Variants in CNTNAP2 observed in about 807,000 individuals in gnomAD.
The protein encoded by CNTNAP2 is contactin-associated protein-like 2.
In CNTNAP2, 98 loss-of-function variants were observed where a neutral mutation model predicts 155.2. The ratio of observed to expected loss-of-function variants is 0.63; its 90% CI spans 0.54 to 0.75. The LOEUF is 0.75. Ranked by LOEUF, CNTNAP2 falls within the 30% of genes least tolerant of loss-of-function variation. The pLI, the probability that CNTNAP2 is intolerant of heterozygous loss-of-function variation, is 0.00. For missense variants in CNTNAP2, 1,727 were observed against 1,688.1 expected (o/e 1.02, Z -0.40); for synonymous variants, 651 against 631.2 (o/e 1.03, Z -0.47).
At chr7:146,366,683 C>T (rs563720524) in intron 1 of CNTNAP2, among the ~76,000 whole-genome samples, 1 of 152,156 alleles carries the variant, frequency 6.6e-6, no homozygotes, top group Non-Finnish European at 1.5e-5. Flanking sequence ...GAGATATTGT[C>T]CATCATTTAT....
chr7:146,741,948 A>G (rs1165054822), intron 1 of CNTNAP2, among the ~76,000 whole-genome samples: 5 of 152,236 alleles, frequency 3.3e-5, no homozygotes, highest in Middle Eastern at 3.4e-3. Flanking sequence ...TCCAGGCATG[A>G]AGTGATTAAC....
At chr7:147,020,261 A>G (rs1798796325) in intron 3 of CNTNAP2, among the ~76,000 whole-genome samples, 1 of 152,126 alleles carries the variant, frequency 6.6e-6, no homozygotes, top group Admixed American at 6.5e-5. Context: ...TATTTAATAG[A>G]ATCTATTTTT....
intron 13 of CNTNAP2, among the ~76,000 whole-genome samples, chr7:147,872,435 A>G (rs1799342921): frequency 6.6e-6 from 1 of 152,144 alleles, no homozygotes. Context: ...TTTTATTGTG[A>G]AGCAGAATTA....
At chr7:147,775,415 T>TTATAAATATATATATTTA (rs1797569713) in intron 13 of CNTNAP2, among the ~76,000 whole-genome samples, 2 of 107,518 alleles carry the variant, frequency 1.9e-5, no homozygotes, top group Non-Finnish European at 3.7e-5. Context: ...ATATATATAT[T>TTATAAATATATATATTTA]TATATATATA....
chr7:147,884,873 T>G (rs79362084), intron 13 of CNTNAP2, among the ~76,000 whole-genome samples: 4,992 of 151,872 alleles, frequency 0.033, 131 homozygotes, highest in Non-Finnish European at 0.053. Flanking sequence ...AATGGATGAA[T>G]AATGTGTGAC....
chr7:147,441,673 C>T (rs893269219), intron 10 of CNTNAP2, among the ~76,000 whole-genome samples: 23 of 152,082 alleles, frequency 1.5e-4, no homozygotes, highest in Non-Finnish European at 2.8e-4. Flanking sequence ...TTAGGGAGCA[C>T]CCCAGTAACA....
chr7:147,364,501 C>G (rs1490576742), intron 9 of CNTNAP2, among the ~76,000 whole-genome samples: 1 of 151,984 alleles, frequency 6.6e-6, no homozygotes, highest in African/African-American at 2.4e-5. Flanking sequence ...CATAATAAAT[C>G]ATGAAATTCC....
intron 9 of CNTNAP2, among the ~76,000 whole-genome samples, chr7:147,341,691 GA>G (rs1795765864): frequency 8.3e-6 from 1 of 120,702 alleles, no homozygotes. Flanking sequence ...ATCATCTGAT[GA>G]TTTTTTTTTT....
chr7:147,050,326 A>G (rs1563057938), intron 4 of CNTNAP2, among the ~76,000 whole-genome samples: 1 of 152,208 alleles, frequency 6.6e-6, no homozygotes, highest in Non-Finnish European at 1.5e-5. Context: ...CACTGATTAA[A>G]GTACTGAGCG....
chr7:147,422,143 ATAGT>A (rs908140206), intron 10 of CNTNAP2, among the ~76,000 whole-genome samples: 18 of 148,234 alleles, frequency 1.2e-4, no homozygotes, highest in African/African-American at 4.2e-4. Context: ...GTATATATAT[ATAGT>A]ATGTATATAT....
At chr7:147,683,570 T>C (rs1328134596) in intron 13 of CNTNAP2, among the ~76,000 whole-genome samples, 1 of 151,838 alleles carries the variant, frequency 6.6e-6, no homozygotes, top group Admixed American at 6.6e-5. Context: ...GAACAACAAT[T>C]ACCTTGTCCA....
At chr7:147,192,435 C>T (rs1802699917) in intron 8 of CNTNAP2, among the ~76,000 whole-genome samples, 1 of 152,142 alleles carries the variant, frequency 6.6e-6, no homozygotes, top group South Asian at 2.1e-4. Flanking sequence ...ATATTCTGAT[C>T]CATTAGTTCT....
rs1333077562 is a variant in CNTNAP2, at chr7:147,297,387, A to C, written c.1349-2754A>C. Among the ~76,000 whole-genome samples the C allele has an allele frequency of 2.0e-5, 3 of 152,230 alleles. No homozygotes were observed. In the East Asian group the frequency reaches 5.8e-4, roughly 29 times the overall value. On this transcript the variant is annotated intron_variant, in intron 8 of 23. Transcript: ENST00000361727. ...TATAATCAAGTGATAGAAGACAGAA[A>C]ATTAGTAAGTATGCTAGTAAATGAA... is the stretch of plus-strand genomic sequence containing the variant.
intron 1 of CNTNAP2, among the ~76,000 whole-genome samples, chr7:146,592,885 C>T (rs909964428): frequency 3.3e-5 from 5 of 152,078 alleles, no homozygotes; most frequent in African/African-American, 1.2e-4. Flanking sequence ...AGCTTGCAAA[C>T]TGCATGCAGT....
chr7:146,954,885 C>T (rs963444066), intron 3 of CNTNAP2, among the ~76,000 whole-genome samples: 3 of 151,886 alleles, frequency 2.0e-5, no homozygotes, highest in Admixed American at 1.3e-4. Flanking sequence ...AATTATTCCA[C>T]ATTTCTTCAC....
rs1407433640 is a variant in CNTNAP2, at chr7:147,669,846, G to A, written c.2098+30540G>A. On this transcript the variant is annotated intron_variant, in intron 13 of 23. Transcript: ENST00000361727. ...TTGGACTCCCCCCTAATATTTATTC[G>A]CTACCATAAACTAAATTATGTTTTC... Among the ~76,000 whole-genome samples the A allele has an allele frequency of 3.3e-5, 5 of 151,918 alleles. No individual in the cohort carries two copies. The East Asian group carries it at 5.8e-4, about 18-fold the overall frequency.
chr7:147,006,650 T>G (rs1798530558), intron 3 of CNTNAP2, among the ~76,000 whole-genome samples: 2 of 152,122 alleles, frequency 1.3e-5, no homozygotes, highest in African/African-American at 2.4e-5. Flanking sequence ...CTAAATCTTT[T>G]CTGTATTTTG....
chr7:146,515,736 C>T (rs1797531848), intron 1 of CNTNAP2, among the ~76,000 whole-genome samples: 1 of 152,004 alleles, frequency 6.6e-6, no homozygotes, highest in South Asian at 2.1e-4. Flanking sequence ...TTCTTATTGT[C>T]AGAAAACCAC....
intron 20 of CNTNAP2, among the ~76,000 whole-genome samples, chr7:148,255,757 C>T (rs1266461236): frequency 6.6e-6 from 1 of 152,116 alleles, no homozygotes; most frequent in African/African-American, 2.4e-5. Context: ...CTTATCAAGC[C>T]ATTAGAGAAA....
Sources: gnomAD v4.1 joint callset for allele counts (sites outside exome capture counted in the v4.1 genomes callset) on GRCh38, gnomAD v4.1.1 for gene constraint, MANE v1.5 for transcripts, NCBI Gene and HGNC (gene_info 2026-07-23, HGNC 2026-07-21) for gene names.